Variants in BCCIP observed in about 807,000 individuals in gnomAD.
The protein encoded by BCCIP is BRCA2 and CDKN1A-interacting protein.
In BCCIP, 23 loss-of-function variants were observed where a neutral mutation model predicts 32.8. That is an observed-to-expected ratio of 0.70 (90% CI 0.51 to 0.99). The LOEUF is 0.99. BCCIP is among the 50% of genes least tolerant of loss of function. BCCIP has a pLI of 0.00. For missense variants in BCCIP, 378 were observed against 379.8 expected (o/e 1.00, Z 0.04); for synonymous variants, 144 against 137.6 (o/e 1.05, Z -0.33).
intron 6 of BCCIP, 65 bp from the exon 7 acceptor site, chr10:125,836,036 CGTA>C: frequency 7.3e-7 from 1 of 1,368,802 alleles, no homozygotes; most frequent in East Asian, 2.3e-5. Flanking sequence ...TATTCTTTGC[CGTA>C]GATCAAATGG....
Position 125,828,831 on chromosome 10 carries a change from T to C in BCCIP, c.321+1193T>C, listed in dbSNP as rs181218584. Among the ~76,000 whole-genome samples, 355 of 152,302 alleles carry C rather than the reference T, an allele frequency of 2.3e-3. 3 individuals carry two copies. Among genetic ancestry groups the C allele is most frequent in the African/African-American group, 8.2e-3 (341 of 41,572 alleles). On this transcript the variant is annotated intron_variant, in intron 3 of 6. Coordinates refer to ENST00000278100, the MANE Select transcript of BCCIP (RefSeq NM_078468.3). ...ATCATGTTAGCTGGGGTGGCTTGAC[T>C]AGGGGCTGGAGGATTCCCTTTCAAG...
chr10:125,853,326 T>C (rs1230438243), exon 8 of BCCIP: 8 of 767,602 alleles, frequency 1.0e-5, no homozygotes, highest in Non-Finnish European at 1.5e-5. Flanking sequence ...TTAGTCAATA[T>C]TTGTTAGTTT....
At chr10:125,827,088 AG>A (rs1255989112) in intron 2 of BCCIP, among the ~76,000 whole-genome samples, 1 of 151,684 alleles carries the variant, frequency 6.6e-6, no homozygotes, top group African/African-American at 2.4e-5. Flanking sequence ...CTTGCCTGGA[AG>A]GAAGAATTAT....
In BCCIP at chr10:125,852,577, C is replaced by A. The variant is rs1944105077; in HGVS notation, c.851-548C>A. On this transcript the variant is annotated intron_variant, in intron 7 of 7. Transcript: ENST00000368759. ...ATGAGCCAAGAATCTGCTTGCGTAT[C>A]TCTGCCTGGCTCTGGCTGATGGGCT... The A allele has an allele frequency of 6.2e-7, 1 of 1,613,826 alleles. No individual in the cohort carries two copies. The highest frequency in any genetic ancestry group is 1.7e-4 in the Middle Eastern group (1 of 6,060).
chr10:125,839,036 T>C (rs1564821887), downstream of BCCIP: 1 of 1,614,174 alleles, frequency 6.2e-7, no homozygotes, highest in African/African-American at 1.3e-5. Flanking sequence ...GCTTTCTTTA[T>C]GTTTAGAGTG....
At chr10:125,843,410 A>C (rs917869294), downstream of BCCIP, among the ~76,000 whole-genome samples, 2 of 152,182 alleles carry the variant, frequency 1.3e-5, no homozygotes, top group African/African-American at 4.8e-5. Flanking sequence ...GGAGATTGAG[A>C]CCATCCTGGC....
downstream of BCCIP, among the ~76,000 whole-genome samples, chr10:125,843,762 G>T (rs1362109405): frequency 6.6e-6 from 1 of 152,202 alleles, no homozygotes; most frequent in East Asian, 1.9e-4. Flanking sequence ...AGTCCTGCTG[G>T]AGGACAGCGG....
chr10:125,842,055 G>T, exon 7 of BCCIP: 1 of 1,266,076 alleles, frequency 7.9e-7, no homozygotes. Flanking sequence ...TGAAACAACG[G>T]TTTGCAAGCC....
At chr10:125,826,426 G>A in intron 1 of BCCIP, 165 bp from the exon 2 acceptor site, 3 of 1,044,890 alleles carry the variant, frequency 2.9e-6, no homozygotes, top group South Asian at 3.2e-5. Flanking sequence ...TTTAAACTAG[G>A]TTACTCTGAG....
chr10:125,827,506 A>T (rs532913093), intron 2 of BCCIP, 52 bp from the exon 3 acceptor site: 2 of 1,226,412 alleles, frequency 1.6e-6, no homozygotes, highest in East Asian at 2.3e-5. Flanking sequence ...ATTTGAAGTT[A>T]TTAGAAATCA....
intron 3 of BCCIP, among the ~76,000 whole-genome samples, chr10:125,829,107 T>C (rs1311273481): frequency 6.6e-6 from 1 of 152,186 alleles, no homozygotes; most frequent in African/African-American, 2.4e-5. Flanking sequence ...ATGAGAAAAG[T>C]ACCTAGGTCA....
chr10:125,826,272 T>C (rs1357340712), intron 1 of BCCIP: 1 of 316,746 alleles, frequency 3.2e-6, no homozygotes, highest in African/African-American at 2.3e-5. Context: ...TAGTGTAACC[T>C]CAAATCCATG....
intron 6 of BCCIP, among the ~76,000 whole-genome samples, chr10:125,835,461 C>T (rs927927152): frequency 1.3e-5 from 2 of 151,786 alleles, no homozygotes; most frequent in African/African-American, 4.8e-5. Flanking sequence ...CACCGGTAGT[C>T]CCAGCTACTT....
chr10:125,842,941 CTATA>C, downstream of BCCIP: 1 of 298,398 alleles, frequency 3.4e-6, no homozygotes, highest in Non-Finnish European at 5.0e-6. Flanking sequence ...TGGAATAAGG[CTATA>C]TATAGATTGG....
intron 1 of BCCIP, among the ~76,000 whole-genome samples, chr10:125,824,970 G>C (rs1564816310): frequency 6.6e-6 from 1 of 152,272 alleles, no homozygotes; most frequent in Non-Finnish European, 1.5e-5. Context: ...CAGGATTAGA[G>C]GTGACACCAT....
chr10:125,836,660 C>T (rs1164687368), downstream of BCCIP: 2 of 1,610,238 alleles, frequency 1.2e-6, no homozygotes, highest in South Asian at 2.2e-5. Flanking sequence ...CTTTGGGACC[C>T]TGCTGCACCT....
chr10:125,834,648 CA>C lies in BCCIP; in HGVS notation c.774+715del, dbSNP rs370440785. 5.9e-3 allele frequency among the ~76,000 whole-genome samples: 814 copies of C among 136,862 alleles called. 3 individuals are homozygous for C. The highest frequency in any genetic ancestry group is 0.014 in the African/African-American group (520 of 37,244). The allele number at this position is 136,862 out of a possible 152,430, so 89.8% of individuals were successfully genotyped here. ...AGAAACCCCATCTCTACTAAAAATACAAAAAAAAAAAAATTAGCCGGGCATG... is the reference window on the plus strand; with the variant it reads ...AGAAACCCCATCTCTACTAAAAATACAAAAAAAAAAAATTAGCCGGGCATG... On this transcript the variant is annotated intron_variant, in intron 6 of 6. Transcript: ENST00000278100.
chr10:125,842,013 G>A, exon 7 of BCCIP: 4 of 1,420,352 alleles, frequency 2.8e-6, no homozygotes, highest in Non-Finnish European at 3.7e-6. Context: ...TTTCCCTCCT[G>A]CATGAAACAA....
rs1443209109 is a variant in BCCIP at position 125,836,323 on chromosome 10, A to G, written c.*49A>G. On this transcript the variant is annotated 3_prime_UTR_variant, in exon 7 of 7. Coordinates refer to ENST00000278100, the MANE Select transcript of BCCIP (RefSeq NM_078468.3). ...GGCTTGTTTTTGTAAAATTACCAGA[A>G]AACTCAGTGGAGATTTACTGAAAAA... The G allele has an allele frequency of 6.2e-7, 1 of 1,612,680 alleles. No homozygotes were observed.
Sources: gnomAD v4.1 joint callset for allele counts (sites outside exome capture counted in the v4.1 genomes callset) on GRCh38, gnomAD v4.1.1 for gene constraint, MANE v1.5 for transcripts, NCBI Gene and HGNC (gene_info 2026-07-23, HGNC 2026-07-21) for gene names.